The following CD38 variants were observed in gnomAD, a reference collection of about 807,000 sequenced individuals.
The protein encoded by CD38 is ADP-ribosyl cyclase/cyclic ADP-ribose hydrolase 1.
CD38 carries 31 observed loss-of-function variants against 36.3 expected under a neutral mutation model. The ratio of observed to expected loss-of-function variants is 0.85; its 90% CI spans 0.64 to 1.15. CD38 has a LOEUF of 1.15. CD38 is among the 50% of genes most tolerant of loss of function. The pLI is 0.00. For synonymous variants in CD38, 131 were observed against 135.2 expected, an observed-to-expected ratio of 0.97 and a Z score of 0.22; for missense variants, 380 against 371.9, an observed-to-expected ratio of 1.02 and a Z score of -0.18.
At chr4:15,780,530 A>ACG (rs1384808956) in intron 1 of CD38, among the ~76,000 whole-genome samples, 9 of 36,936 alleles carry the variant, frequency 2.4e-4, no homozygotes, top group African/African-American at 1.5e-3. Flanking sequence ...ACACACACAC[A>ACG]CACACACACA....
At chr4:15,815,729 T>C (rs1723581110) in intron 1 of CD38, among the ~76,000 whole-genome samples, 1 of 152,186 alleles carries the variant, frequency 6.6e-6, no homozygotes, top group African/African-American at 2.4e-5. Context: ...TTTGACTTTC[T>C]CTCTTCCTAT....
At chr4:15,821,471 A>C (rs1300193279) in intron 2 of CD38, among the ~76,000 whole-genome samples, 1 of 152,088 alleles carries the variant, frequency 6.6e-6, no homozygotes, top group Admixed American at 6.6e-5. Context: ...AATAGAGAAG[A>C]ATCAGATAGA....
At chr4:15,796,145 A>G (rs1723100207) in intron 1 of CD38, among the ~76,000 whole-genome samples, 1 of 152,142 alleles carries the variant, frequency 6.6e-6, no homozygotes, top group South Asian at 2.1e-4. Flanking sequence ...AAGGACTGAA[A>G]ACACCTTGCT....
At chr4:15,816,451 G>C (rs1432475149) in intron 1 of CD38, 60 bp from the exon 2 acceptor site, 1 of 1,389,078 alleles carries the variant, frequency 7.2e-7, no homozygotes, top group Non-Finnish European at 9.8e-7. Context: ...AAATAATTAT[G>C]CTCCAAAAAT....
At chr4:15,815,026 C>T (rs1290957564) in intron 1 of CD38, among the ~76,000 whole-genome samples, 3 of 152,038 alleles carry the variant, frequency 2.0e-5, no homozygotes, top group East Asian at 1.9e-4. Context: ...AGGCTTGTCT[C>T]GAACTTATCA....
intron 3 of CD38, among the ~76,000 whole-genome samples, chr4:15,829,387 A>C (rs1723915715): frequency 6.6e-6 from 1 of 152,134 alleles, no homozygotes; most frequent in East Asian, 1.9e-4. Flanking sequence ...TTATTCTTTT[A>C]GTTATTTTAA....
chr4:15,814,016 A>G (rs1723530353), intron 1 of CD38, among the ~76,000 whole-genome samples: 2 of 152,208 alleles, frequency 1.3e-5, no homozygotes, highest in South Asian at 4.1e-4. Context: ...TCCTTGAGGA[A>G]TCGCCACACT....
chr4:15,821,344 C>A (rs1274584539), intron 2 of CD38, among the ~76,000 whole-genome samples: 1 of 149,692 alleles, frequency 6.7e-6, no homozygotes, highest in African/African-American at 2.5e-5. Flanking sequence ...AAGCTCAGAG[C>A]AGAACTGAAG....
chr4:15,785,836 A>C (rs1045888341), intron 1 of CD38, among the ~76,000 whole-genome samples: 1 of 152,118 alleles, frequency 6.6e-6, no homozygotes, highest in Non-Finnish European at 1.5e-5. Flanking sequence ...CCTCGTGGTG[A>C]GTGTTACAGT....
chr4:15,793,274 A>G (rs1387980133), intron 1 of CD38, among the ~76,000 whole-genome samples: 2 of 151,888 alleles, frequency 1.3e-5, no homozygotes, highest in South Asian at 2.1e-4. Flanking sequence ...TTAGTATCCA[A>G]TGCTAGAAAA....
At chr4:15,804,433 A>G (rs1723298950) in intron 1 of CD38, among the ~76,000 whole-genome samples, 1 of 152,234 alleles carries the variant, frequency 6.6e-6, no homozygotes, top group African/African-American at 2.4e-5. Flanking sequence ...ACCTATATCC[A>G]AAGAAAATAA....
chr4:15,795,959 A>T (rs1227795872), intron 1 of CD38, among the ~76,000 whole-genome samples: 1 of 152,156 alleles, frequency 6.6e-6, no homozygotes, highest in Non-Finnish European at 1.5e-5. Flanking sequence ...AGCAAATATT[A>T]TAAAGTTATT....
rs1383691188 is a variant in CD38 at position 15,778,756 on chromosome 4, A to C, written c.233+109A>C. On this transcript the variant is annotated intron_variant, in intron 1 of 7. Transcript: ENST00000226279. This position sits in a 1 kb window ranked among gnomAD's most constrained non-coding sequence, Gnocchi z 4.9. ...AACCGGGCATCTTCCGTGGCGGGTCAGCCGAGAGCCCGCCGGGTGGTGCTG... is the reference window on the plus strand; with the variant it reads ...AACCGGGCATCTTCCGTGGCGGGTCCGCCGAGAGCCCGCCGGGTGGTGCTG... The C allele has an allele frequency of 5.3e-6, 4 of 760,684 alleles. No individual in the cohort carries two copies. In the African/African-American group the frequency reaches 5.3e-5, roughly 10 times the overall value. 47.1% of individuals were successfully genotyped at this position (760,684 alleles called of 1,614,324 possible).
chr4:15,827,098 A>G (rs551159373), intron 3 of CD38, among the ~76,000 whole-genome samples: 4 of 152,208 alleles, frequency 2.6e-5, no homozygotes, highest in Non-Finnish European at 5.9e-5. Flanking sequence ...AATCCTCCAC[A>G]GCCCCATGAG....
intron 3 of CD38, among the ~76,000 whole-genome samples, chr4:15,827,180 T>C (rs1270178343): frequency 1.3e-5 from 2 of 152,142 alleles, no homozygotes; most frequent in Non-Finnish European, 2.9e-5. Context: ...AGCCAGTAAG[T>C]GGCAAAGCAA....
rs752432092 is a variant in CD38 at position 15,778,424 on chromosome 4, T to A, written c.10T>A (p.Cys4Ser). 1 of 1,613,700 alleles carries A rather than the reference T, an allele frequency of 6.2e-7. No individual in the cohort carries two copies. Among genetic ancestry groups the A allele is most frequent in the South Asian group, 1.1e-5 (1 of 91,050 alleles). MANCEFSPVSGDKP... is the reference protein window; with the variant it reads MANSEFSPVSGDKP... ...CCCCGCCTGGAGCCCTATGGCCAACTGCGAGTTCAGCCCGGTGTCCGGGGA... is the reference window on the plus strand; with the variant it reads ...CCCCGCCTGGAGCCCTATGGCCAACAGCGAGTTCAGCCCGGTGTCCGGGGA... The change falls in exon 1 of 8, where the codon TGC becomes AGC. Residue 4 changes from cysteine to serine, a missense_variant. Transcript: ENST00000226279. The surrounding 1 kb of genome is among the most constrained non-coding windows in gnomAD (Gnocchi z 4.9).
At chr4:15,834,530 G>A (rs950893721) in intron 4 of CD38, among the ~76,000 whole-genome samples, 1 of 152,150 alleles carries the variant, frequency 6.6e-6, no homozygotes, top group Non-Finnish European at 1.5e-5. Context: ...ATCTTTGCAC[G>A]TACCCACTCT....
intron 3 of CD38, among the ~76,000 whole-genome samples, chr4:15,828,782 G>GGA (rs1723901347): frequency 1.3e-5 from 2 of 152,144 alleles, no homozygotes; most frequent in African/African-American, 4.8e-5. Context: ...TGAACATGGG[G>GGA]GAGCAGGTAT....
intron 1 of CD38, among the ~76,000 whole-genome samples, chr4:15,813,046 G>C (rs911341931): frequency 6.6e-6 from 1 of 152,112 alleles, no homozygotes; most frequent in African/African-American, 2.4e-5. Flanking sequence ...TCTATATACA[G>C]TATTTCATGT....
Sources: allele counts gnomAD v4.1 joint callset (sites outside exome capture counted in the v4.1 genomes callset), GRCh38; gene constraint gnomAD v4.1.1; non-coding constraint Gnocchi (gnomAD v3.1); transcripts MANE v1.5; gene names NCBI Gene and HGNC (gene_info 2026-07-23, HGNC 2026-07-21).